The following MCF2L2 variants were observed in gnomAD, a reference collection of about 807,000 sequenced individuals.
MCF2L2 encodes probable guanine nucleotide exchange factor MCF2L2.
MCF2L2 carries 102 observed loss-of-function variants against 150.2 expected under a neutral mutation model. The ratio of observed to expected loss-of-function variants is 0.68; its 90% CI spans 0.58 to 0.80. MCF2L2 has a LOEUF of 0.80. Ranked by LOEUF, MCF2L2 falls within the 30% of genes least tolerant of loss-of-function variation. The pLI is 0.00. For missense variants in MCF2L2, 1,256 were observed against 1,372.8 expected, an observed-to-expected ratio of 0.91 and a Z score of 1.34; for synonymous variants, 465 against 491.3, an observed-to-expected ratio of 0.95 and a Z score of 0.71.
At chr3:183,198,868 G>A (rs992895955) in intron 25 of MCF2L2, among the ~76,000 whole-genome samples, 1 of 152,146 alleles carries the variant, frequency 6.6e-6, no homozygotes, top group Non-Finnish European at 1.5e-5. Flanking sequence ...TTTTCTACTA[G>A]AGTTGCCATA....
intron 3 of MCF2L2, among the ~76,000 whole-genome samples, chr3:183,362,969 A>G (rs905702945): frequency 6.6e-6 from 1 of 152,208 alleles, no homozygotes; most frequent in Non-Finnish European, 1.5e-5. Context: ...GAACAACCCA[A>G]TTTAAAAATG....
intron 27 of MCF2L2, 180 bp downstream of exon 27, chr3:183,192,819 C>T (rs639690): frequency 0.9 from 484,813 of 536,570 alleles, 219,479 homozygotes; most frequent in East Asian, 1. Context: ...GCCCCATTAG[C>T]TCTACACAAA....
intron 21 of MCF2L2, 53 bp from the exon 22 acceptor site, chr3:183,216,147 G>A: frequency 6.3e-7 from 1 of 1,595,484 alleles, no homozygotes; most frequent in Non-Finnish European, 8.5e-7. Flanking sequence ...TCTGCAAAGT[G>A]AAGAAGGAAA....
intron 22 of MCF2L2, among the ~76,000 whole-genome samples, chr3:183,212,313 T>C (rs1048291658): frequency 5.3e-5 from 8 of 152,214 alleles, no homozygotes; most frequent in Middle Eastern, 3.2e-3. Flanking sequence ...AGGAAACGAA[T>C]ATACTTCCAA....
At chr3:183,330,370 A>G (rs1172447324) in intron 5 of MCF2L2, among the ~76,000 whole-genome samples, 3 of 152,202 alleles carry the variant, frequency 2.0e-5, no homozygotes, top group Middle Eastern at 3.2e-3. Context: ...CCACCACTGT[A>G]TATGTGGTCC....
At chr3:183,313,642 A>C (rs1729477293) in intron 7 of MCF2L2, among the ~76,000 whole-genome samples, 1 of 152,188 alleles carries the variant, frequency 6.6e-6, no homozygotes, top group Non-Finnish European at 1.5e-5. Flanking sequence ...ATGGAGTTTC[A>C]GTTTCCATGG....
chr3:183,223,570 T>C (rs966097267), intron 19 of MCF2L2, 132 bp from the exon 20 acceptor site: 113 of 661,732 alleles, frequency 1.7e-4, no homozygotes, highest in Non-Finnish European at 1.6e-5. Flanking sequence ...AGCAGCTCCA[T>C]AAGGCTGTGG....
At chr3:183,215,893 G>A in intron 22 of MCF2L2, 76 bp downstream of exon 22, 1 of 1,489,748 alleles carries the variant, frequency 6.7e-7, no homozygotes, top group African/African-American at 1.4e-5. Context: ...CTCTGACTTT[G>A]CCAGAGCATT....
At chr3:183,246,006 T>C (rs1443404883) in intron 15 of MCF2L2, among the ~76,000 whole-genome samples, 1 of 152,244 alleles carries the variant, frequency 6.6e-6, no homozygotes, top group Non-Finnish European at 1.5e-5. Context: ...ATATAAATTA[T>C]TTTTAAAGTT....
chr3:183,231,548 G>A (rs192777456), intron 15 of MCF2L2, among the ~76,000 whole-genome samples: 4 of 151,890 alleles, frequency 2.6e-5, no homozygotes, highest in Admixed American at 1.3e-4. Context: ...TTGAACTCCC[G>A]GGCTCCAGCA....
rs1484235723 is a variant in MCF2L2, at chr3:183,178,315, A to G, written c.*1065T>C. On this transcript the variant is annotated 3_prime_UTR_variant, in exon 30 of 30. Transcript: ENST00000328913. ...CCCCGTCTCTACTAAAAATCCAAATAAAAAATTAGCCGGGCGTGGTGGCGG... is the reference window on the plus strand; with the variant it reads ...CCCCGTCTCTACTAAAAATCCAAATGAAAAATTAGCCGGGCGTGGTGGCGG... The G allele has an allele frequency of 6.6e-6, 1 of 152,204 alleles. No homozygotes were observed. The highest frequency in any genetic ancestry group is 2.4e-5 in the African/African-American group (1 of 41,418). The allele number at this position is 152,204 out of a possible 1,614,324, so 9.4% of individuals were successfully genotyped here. A position where few individuals can be genotyped will look rare whatever the true frequency, so the allele number is the denominator to read the frequency against.
rs947972200 is a variant in MCF2L2 at position 183,267,591 on chromosome 3, A to G, written c.1862+9281T>C. ...CAGGGCCTTTGCCCTGGGGCTTGCTATGTGGCTCAGCCTACACGGCTCTCT... is the reference window on the plus strand; with the variant it reads ...CAGGGCCTTTGCCCTGGGGCTTGCTGTGTGGCTCAGCCTACACGGCTCTCT... On this transcript the variant is annotated intron_variant, in intron 15 of 29. Transcript: ENST00000328913. The surrounding 1 kb of genome is among the most constrained non-coding windows in gnomAD (Gnocchi z 5.5). Among the ~76,000 whole-genome samples the G allele has an allele frequency of 1.3e-5, 2 of 152,104 alleles. No homozygotes were observed. Among genetic ancestry groups the G allele is most frequent in the Non-Finnish European group, 2.9e-5 (2 of 68,032 alleles).
chr3:183,196,390 T>G (rs1238391151), intron 25 of MCF2L2, among the ~76,000 whole-genome samples: 1 of 152,176 alleles, frequency 6.6e-6, no homozygotes, highest in Non-Finnish European at 1.5e-5. Flanking sequence ...TAAAAATGAA[T>G]CTGGGTGGTA....
At chr3:183,425,966 A>C (rs1480337554) in intron 1 of MCF2L2, among the ~76,000 whole-genome samples, 2 of 151,474 alleles carry the variant, frequency 1.3e-5, no homozygotes, top group Non-Finnish European at 2.9e-5. Flanking sequence ...AAAAAAAAAA[A>C]CAAAAAAGAT....
At chr3:183,370,267 T>C (rs988872941) in intron 3 of MCF2L2, among the ~76,000 whole-genome samples, 6 of 152,242 alleles carry the variant, frequency 3.9e-5, no homozygotes, top group Admixed American at 3.9e-4. Flanking sequence ...CCTTTCCTAA[T>C]TGTTCTTCTA....
At chr3:183,218,135 T>G (rs1723011706) in intron 21 of MCF2L2, among the ~76,000 whole-genome samples, 1 of 152,234 alleles carries the variant, frequency 6.6e-6, no homozygotes, top group Non-Finnish European at 1.5e-5. Flanking sequence ...GTTTAATATT[T>G]TCTTAATCTA....
At chr3:183,326,976 T>C (rs1730070221) in intron 5 of MCF2L2, among the ~76,000 whole-genome samples, 1 of 152,116 alleles carries the variant, frequency 6.6e-6, no homozygotes, top group Non-Finnish European at 1.5e-5. Flanking sequence ...AAAATAGGAA[T>C]CTTGACCCAC....
intron 15 of MCF2L2, among the ~76,000 whole-genome samples, chr3:183,264,201 C>T (rs1014549926): frequency 1.3e-5 from 2 of 152,204 alleles, no homozygotes; most frequent in African/African-American, 4.8e-5. Context: ...TCCCACCTCT[C>T]TGCTTTCAAA....
intron 15 of MCF2L2, among the ~76,000 whole-genome samples, chr3:183,249,395 C>T (rs1724409887): frequency 6.6e-6 from 1 of 152,220 alleles, no homozygotes; most frequent in Non-Finnish European, 1.5e-5. Context: ...CCAGCAGGGC[C>T]TGCCCCTCCG....
Sources: gnomAD v4.1 joint callset for allele counts (sites outside exome capture counted in the v4.1 genomes callset) on GRCh38, gnomAD v4.1.1 for gene constraint, Gnocchi (gnomAD v3.1) non-coding constraint, MANE v1.5 for transcripts, NCBI Gene and HGNC (gene_info 2026-07-23, HGNC 2026-07-21) for gene names.